Variants in TRPM7 observed in about 807,000 individuals in gnomAD.
The protein encoded by TRPM7 is transient receptor potential cation channel subfamily M member 7.
TRPM7 carries 134 observed loss-of-function variants against 229.7 expected under a neutral mutation model. That is an observed-to-expected ratio of 0.58 (90% confidence interval 0.51 to 0.67). The LOEUF (loss-of-function observed/expected upper bound fraction) is 0.67, where lower values mean the gene tolerates loss of function less well. Among genes scored for constraint, TRPM7 ranks in the 30% least tolerant of loss-of-function variants. The pLI, the probability that TRPM7 is intolerant of heterozygous loss-of-function variation, is 0.00. For missense variants in TRPM7, 1,901 were observed against 2,210.0 expected (o/e 0.86, Z 2.80); for synonymous variants, 699 against 715.2 (o/e 0.98, Z 0.36).
intron 21 of TRPM7, among the ~76,000 whole-genome samples, chr15:50,603,795 ATATT>A (rs1187360567): frequency 6.6e-6 from 1 of 152,226 alleles, no homozygotes; most frequent in African/African-American, 2.4e-5. Context: ...ATAGCTTTTT[ATATT>A]TATTAAAATG....
In TRPM7 at chr15:50,605,021, C is replaced by A. The variant is rs202075206; in HGVS notation, c.2833G>T (p.Ala945Ser). The change falls in exon 21 of 39, where the codon GCA (alanine) becomes TCA (serine). Residue 945 changes from alanine (A) to serine (S), a missense_variant. By Grantham distance (99) the Ala-to-Ser change is moderately conservative (BLOSUM62 1). Around this residue, in one of 8 missense-constraint regions of TRPM7, gnomAD observed 207 missense variants for 241.5 expected, o/e 0.86. Coordinates refer to ENST00000646667, the MANE Select transcript of TRPM7 (RefSeq NM_017672.6). ...TATGCATTTGCAAAGTTCCATTTTG[C>A]TCCAAATCTTAGTCCAAATCCAATG... Reference protein sequence around the residue: ...FFIGFGLRFGAKWNFANAYDN... With the variant: ...FFIGFGLRFGSKWNFANAYDN... 6.2e-7 allele frequency: 1 copy of A among 1,613,906 alleles called. No individual in the cohort carries two copies. Among genetic ancestry groups the A allele is most frequent in the East Asian group, 2.2e-5 (1 of 44,804 alleles).
Position 50,574,867 on chromosome 15 carries a change from C to A in TRPM7, c.5004G>T (p.Leu1668=). The change falls in exon 34 of 39, where the codon CTG becomes CTT. Residue 1668 remains leucine (L), a synonymous_variant. Coordinates refer to ENST00000646667, the MANE Select transcript of TRPM7 (RefSeq NM_017672.6). The part of the protein sequence containing the change: ...WSSIYKEDTV[L]HLCLREIQQQ... ...TGACACTTACTCTCAGACAGAGATG[C>A]AGAACTGTATCTTCTTTGTAAATAC... 6.2e-7 allele frequency: 1 copy of A among 1,611,720 alleles called. No homozygotes were observed. The highest frequency in any genetic ancestry group is 8.5e-7 in the Non-Finnish European group (1 of 1,178,566).
chr15:50,614,321 C>A (rs1334798029), intron 13 of TRPM7, 58 bp from the exon 14 acceptor site: 2 of 1,455,748 alleles, frequency 1.4e-6, no homozygotes, highest in Admixed American at 2.2e-5. Flanking sequence ...TATTGCCATG[C>A]CCTGCCTAGG....
intron 7 of TRPM7, 26 bp downstream of exon 7, chr15:50,637,396 A>G (rs747160666): frequency 1.2e-6 from 2 of 1,603,256 alleles, no homozygotes; most frequent in South Asian, 1.1e-5. Context: ...CAATTTCAAC[A>G]ATAACAAATT....
At chr15:50,578,479 C>A in intron 31 of TRPM7, 160 bp downstream of exon 31, 1 of 467,764 alleles carries the variant, frequency 2.1e-6, no homozygotes, top group Admixed American at 3.6e-5. Flanking sequence ...TGTGAAACAT[C>A]TACAGTAAGG....
chr15:50,614,324 T>C (rs2060151888), intron 13 of TRPM7, 61 bp from the exon 14 acceptor site: 4 of 1,448,504 alleles, frequency 2.8e-6, no homozygotes, highest in East Asian at 4.6e-5. Flanking sequence ...TGCCATGCCC[T>C]GCCTAGGAAC....
chr15:50,668,190 T>C (rs2061923313), intron 1 of TRPM7, among the ~76,000 whole-genome samples: 1 of 152,210 alleles, frequency 6.6e-6, no homozygotes, highest in Non-Finnish European at 1.5e-5. Flanking sequence ...CTGATAACTT[T>C]GGAGACTCTA....
At chr15:50,668,801 C>G (rs767806547) in intron 1 of TRPM7, among the ~76,000 whole-genome samples, 1 of 152,030 alleles carries the variant, frequency 6.6e-6, no homozygotes, top group Admixed American at 6.6e-5. Flanking sequence ...AGCCACCATG[C>G]CTGGCCTACA....
At chr15:50,679,016 G>A (rs550579961) in intron 1 of TRPM7, among the ~76,000 whole-genome samples, 3 of 152,260 alleles carry the variant, frequency 2.0e-5, no homozygotes, top group African/African-American at 7.2e-5. Flanking sequence ...TGGGACTACA[G>A]GTGCGTGCCA....
chr15:50,617,131 A>AAAAT (rs201318883), intron 13 of TRPM7, among the ~76,000 whole-genome samples: 6,286 of 137,314 alleles, frequency 0.046, 182 homozygotes, highest in East Asian at 0.1. Context: ...CTCTACCAAA[A>AAAAT]AAATAAATAA....
At chr15:50,639,986 C>T (rs2061041627) in intron 5 of TRPM7, among the ~76,000 whole-genome samples, 1 of 152,080 alleles carries the variant, frequency 6.6e-6, no homozygotes, top group Non-Finnish European at 1.5e-5. Flanking sequence ...GAACAAAAAC[C>T]ACTAAACCCC....
Position 50,599,308 on chromosome 15 carries a change from T to C in TRPM7, c.2989-12A>G, listed in dbSNP as rs1490936474. On this transcript the variant is annotated splice_polypyrimidine_tract_variant and intron_variant, in intron 21 of 38. Coordinates refer to ENST00000646667, the MANE Select transcript of TRPM7 (RefSeq NM_017672.6). ...AACATATTGGCCACCTGTTAAAAAA[T>C]GAACACTGTTAAAATACAAGGAAGT... is the stretch of plus-strand genomic sequence containing the variant. The C allele has an allele frequency of 6.3e-7, 1 of 1,586,138 alleles. No individual in the cohort carries two copies. The highest frequency in any genetic ancestry group is 8.6e-7 in the Non-Finnish European group (1 of 1,163,822).
chr15:50,651,821 G>C (rs1440693213), intron 3 of TRPM7, among the ~76,000 whole-genome samples: 4 of 151,710 alleles, frequency 2.6e-5, no homozygotes, highest in Admixed American at 2.6e-4. Context: ...CAGGAGGTGG[G>C]GGTTGCAGTG....
intron 31 of TRPM7, among the ~76,000 whole-genome samples, chr15:50,577,403 C>T (rs551806172): frequency 8.2e-4 from 124 of 152,038 alleles, no homozygotes; most frequent in Non-Finnish European, 1.3e-3. Context: ...AGAAATTAGC[C>T]GGATGTGGTG....
rs537308146 is a variant in TRPM7 at position 50,590,772 on chromosome 15, C to T, written c.4325-1116G>A. Among the ~76,000 whole-genome samples, 336 of 151,146 alleles carry T rather than the reference C, an allele frequency of 2.2e-3. 1 individual carries two copies. Among genetic ancestry groups the T allele is most frequent in the Non-Finnish European group, 4.2e-3 (282 of 67,896 alleles). On this transcript the variant is annotated intron_variant, in intron 26 of 38. Transcript: ENST00000646667. The stretch of plus-strand genomic sequence containing the variant: ...CTGGGAGGCAGAGGTTGCAGCGAGC[C>T]GAGATTGTGCCACTGCACTCCCGCC...
At chr15:50,580,965 T>A (rs1171603166) in intron 29 of TRPM7, 57 bp from the exon 30 acceptor site, 14 of 1,538,208 alleles carry the variant, frequency 9.1e-6, no homozygotes, top group Non-Finnish European at 1.1e-5. Flanking sequence ...AATCTCTAGA[T>A]GAAGCATAAC....
intron 4 of TRPM7, among the ~76,000 whole-genome samples, chr15:50,643,764 C>A (rs978235565): frequency 6.6e-6 from 1 of 152,042 alleles, no homozygotes; most frequent in South Asian, 2.1e-4. Context: ...ACAGAAATAG[C>A]GAAACTAACT....
chr15:50,614,089 C>T, intron 14 of TRPM7, 34 bp downstream of exon 14: 6 of 1,549,302 alleles, frequency 3.9e-6, no homozygotes, highest in Non-Finnish European at 5.3e-6. Flanking sequence ...AATATTAAAG[C>T]ATATATATAG....
At chr15:50,628,324 T>C in intron 10 of TRPM7, 75 bp from the exon 11 acceptor site, 1 of 1,029,418 alleles carries the variant, frequency 9.7e-7, no homozygotes. Context: ...TTTTTTTTTT[T>C]TAAGAGATGG....
Sources: gnomAD v4.1 joint callset for allele counts (sites outside exome capture counted in the v4.1 genomes callset) on GRCh38, gnomAD v4.1.1 for gene constraint, gnomAD v4.1.1 regional missense constraint, MANE v1.5 for transcripts, NCBI Gene and HGNC (gene_info 2026-07-23, HGNC 2026-07-21) for gene names.